Variants in PIEZO2 observed in about 807,000 individuals in gnomAD.
The protein encoded by PIEZO2 is piezo-type mechanosensitive ion channel component 2.
A neutral mutation model predicts 337.3 loss-of-function variants in PIEZO2; 172 were observed. The ratio of observed to expected loss-of-function variants is 0.51; its 90% CI spans 0.45 to 0.58. The LOEUF (loss-of-function observed/expected upper bound fraction) is 0.58. PIEZO2 is among the 20% of genes least tolerant of loss of function. PIEZO2 has a pLI of 0.00. For synonymous variants in PIEZO2, 1,251 were observed against 1,228.5 expected (o/e 1.02, Z -0.38); for missense variants, 3,028 against 3,391.3 (o/e 0.89, Z 2.66).
At position 10,839,679 on chromosome 18, in the gene PIEZO2, T is replaced by C. The variant is rs530448151; in HGVS notation, c.917+15674A>G. On this transcript the variant is annotated intron_variant, in intron 7 of 55. Transcript: ENST00000674853. Reference sequence around the variant, plus strand: ...GCTGCTCACTGAACCCAAGAGAAGATCTCAACCCCAGGATAGTAGCTGGCT... The same window carrying C: ...GCTGCTCACTGAACCCAAGAGAAGACCTCAACCCCAGGATAGTAGCTGGCT... Among the ~76,000 whole-genome samples, 3 of 152,290 alleles carry C rather than the reference T, an allele frequency of 2.0e-5. No homozygotes were observed. The South Asian group carries it at 6.2e-4, about 32-fold the overall frequency.
In PIEZO2 at chr18:11,132,472, C is replaced by T. The variant is rs146229573; in HGVS notation, c.64+16053G>A. Among the ~76,000 whole-genome samples the T allele has an allele frequency of 7.6e-4, 116 of 152,162 alleles. 1 individual carries two copies. Among genetic ancestry groups the T allele is most frequent in the Non-Finnish European group, 7.4e-4 (50 of 68,000 alleles). On this transcript the variant is annotated intron_variant, in intron 1 of 55. Transcript: ENST00000674853. The surrounding 1 kb of genome is among the most constrained non-coding windows in gnomAD (Gnocchi z 4.7). ...GCTGGGGCAAAGTTCTCCAGAAGGC[C>T]GTGTATGCTCTGAATCAACATCCAA...
Position 10,727,855 on chromosome 18 carries a change from G to A in PIEZO2, c.5029+3552C>T, listed in dbSNP as rs1183403092. 6.6e-6 allele frequency: 1 copy of A among 152,024 alleles called. No homozygotes were observed. The highest frequency in any genetic ancestry group is 2.4e-5 in the African/African-American group (1 of 41,352). The allele number at this position is 152,024 out of a possible 1,614,324, so 9.4% of individuals were successfully genotyped here. ...TGGCCCAAGTCCTAAACCCCTCCTGGACCAGGTGAGGTGCAGAGCGCCTTT... is the reference window on the plus strand; with the variant it reads ...TGGCCCAAGTCCTAAACCCCTCCTGAACCAGGTGAGGTGCAGAGCGCCTTT... On this transcript the variant is annotated intron_variant, in intron 36 of 55. Coordinates refer to ENST00000674853, the MANE Select transcript of PIEZO2 (RefSeq NM_001378183.1). The surrounding 1 kb of genome is among the most constrained non-coding windows in gnomAD (Gnocchi z 6.3).
In PIEZO2 at chr18:11,148,033, CT is replaced by C. The variant is rs1568416866; in HGVS notation, c.64+491del. On this transcript the variant is annotated intron_variant, in intron 1 of 55. Transcript: ENST00000674853. The surrounding 1 kb of genome is among the most constrained non-coding windows in gnomAD (Gnocchi z 5.2). ...CTCCCTGTACCTCGTCCCTCTTTTT[CT>C]TTTTTGAATGACCGGAGTCCTTCAC... Among the ~76,000 whole-genome samples, 1 of 152,164 alleles carries C rather than the reference CT, an allele frequency of 6.6e-6. No homozygotes were observed. The highest frequency in any genetic ancestry group is 2.4e-5 in the African/African-American group (1 of 41,456).
intron 48 of PIEZO2, among the ~76,000 whole-genome samples, chr18:10,690,614 T>C (rs558071954): frequency 1.4e-4 from 21 of 152,314 alleles, no homozygotes; most frequent in Non-Finnish European, 2.4e-4. Context: ...ACCTCTTCTG[T>C]CTGGTGCTGA....
rs2038642861 is a variant in PIEZO2 at position 11,078,927 on chromosome 18, GC to G, written c.65-12706del. Reference sequence around the variant, plus strand: ...AAGAGATGTTTCCCAGGCTGCCTCAGCCTTCTGCTCTATTACCCTTCTTTTC... The same window carrying G: ...AAGAGATGTTTCCCAGGCTGCCTCAGCTTCTGCTCTATTACCCTTCTTTTC... On this transcript the variant is annotated intron_variant, in intron 1 of 55. Transcript: ENST00000674853. The surrounding 1 kb of genome is among the most constrained non-coding windows in gnomAD (Gnocchi z 5.3). Among the ~76,000 whole-genome samples the G allele has an allele frequency of 6.6e-6, 1 of 152,196 alleles. No individual in the cohort carries two copies. The highest frequency in any genetic ancestry group is 1.5e-5 in the Non-Finnish European group (1 of 68,042).
chr18:10,983,380 C>T (rs1000737558), intron 2 of PIEZO2, among the ~76,000 whole-genome samples: 2 of 152,128 alleles, frequency 1.3e-5, no homozygotes, highest in African/African-American at 2.4e-5. Flanking sequence ...AATGTCACCC[C>T]TCCCTCAAGG....
chr18:10,670,261 G>A lies in PIEZO2; in HGVS notation c.*1266C>T, dbSNP rs775365035. 3.9e-5 allele frequency: 6 copies of A among 152,022 alleles called. No homozygotes were observed. The highest frequency in any genetic ancestry group is 8.8e-5 in the Non-Finnish European group (6 of 68,004). 9.4% of individuals were successfully genotyped at this position (152,022 alleles called of 1,614,324 possible). On this transcript the variant is annotated 3_prime_UTR_variant, in exon 56 of 56. Transcript: ENST00000674853. ...TATTCTTAAAATGACTTTGCAGGATGTGCTTTATTTTAAGTCAGCCCTGAA... is the reference window on the plus strand; with the variant it reads ...TATTCTTAAAATGACTTTGCAGGATATGCTTTATTTTAAGTCAGCCCTGAA...
At chr18:10,896,141 C>G (rs1287731512) in intron 4 of PIEZO2, among the ~76,000 whole-genome samples, 3 of 150,922 alleles carry the variant, frequency 2.0e-5, no homozygotes. Context: ...TGACTCAGAA[C>G]ACACACTAGT....
Position 10,759,544 on chromosome 18 carries a change from T to C in PIEZO2, c.3695A>G (p.Asn1232Ser), listed in dbSNP as rs1326485089. 2 of 1,537,314 alleles carry C rather than the reference T, an allele frequency of 1.3e-6. No homozygotes were observed. The highest frequency in any genetic ancestry group is 2.0e-5 in the Admixed American group (1 of 50,984). The part of the protein sequence containing the change: ...WRFKGASFND[N>S]IIKWLYFPDF... ...TGGGAAGTACAGCCACTTTATGATG[T>C]TGTCATTGAAGCTGGCACCCTTGAA... Residue 1232 changes from asparagine (N) to serine (S), a missense_variant, in exon 26 of 56, where the codon AAC becomes AGC. Asn to Ser is a conservative substitution (Grantham distance 46, BLOSUM62 1). Around this residue, in one of 5 missense-constraint regions of PIEZO2, gnomAD observed 1,925 missense variants for 2,051.9 expected, o/e 0.94. Coordinates refer to ENST00000674853, the MANE Select transcript of PIEZO2 (RefSeq NM_001378183.1). This position sits in a 1 kb window ranked among gnomAD's most constrained non-coding sequence, Gnocchi z 5.5.
At chr18:10,796,143 T>A (rs2039587537) in intron 12 of PIEZO2, among the ~76,000 whole-genome samples, 1 of 151,660 alleles carries the variant, frequency 6.6e-6, no homozygotes, top group African/African-American at 2.4e-5. Flanking sequence ...GGCGGGCGGA[T>A]CATGAGGCCA....
chr18:10,865,100 A>G (rs1316831495), intron 5 of PIEZO2, among the ~76,000 whole-genome samples: 1 of 152,190 alleles, frequency 6.6e-6, no homozygotes, highest in Non-Finnish European at 1.5e-5. Context: ...ACCCTAGCCA[A>G]ACACAGAGAG....
rs1442785926 is a variant in PIEZO2 at position 10,861,535 on chromosome 18, C to G, written c.493-4324G>C. On this transcript the variant is annotated intron_variant, in intron 5 of 55. Coordinates refer to ENST00000674853, the MANE Select transcript of PIEZO2 (RefSeq NM_001378183.1). This position sits in a 1 kb window ranked among gnomAD's most constrained non-coding sequence, Gnocchi z 4.3. ...CAAATACGGCATGATCTCACTTATA[C>G]GTGGAATCTAAAGAAGTTGCACTGA... Among the ~76,000 whole-genome samples, 4 of 152,016 alleles carry G rather than the reference C, an allele frequency of 2.6e-5. No individual in the cohort carries two copies. In the East Asian group the frequency reaches 5.8e-4, roughly 22 times the overall value.
At position 11,078,995 on chromosome 18, in the gene PIEZO2, T is replaced by TA; in HGVS notation, c.65-12774dup. ...TCATACCTTAGAAAGTTACGGTAGT[T>TA]AAAAAATTGCTGGTGGCATCCTTTA... On this transcript the variant is annotated intron_variant, in intron 1 of 55. Coordinates refer to ENST00000674853, the MANE Select transcript of PIEZO2 (RefSeq NM_001378183.1). The surrounding 1 kb of genome is among the most constrained non-coding windows in gnomAD (Gnocchi z 5.3). 6.6e-6 allele frequency among the ~76,000 whole-genome samples: 1 copy of TA among 152,194 alleles called. No homozygotes were observed. Among genetic ancestry groups the TA allele is most frequent in the East Asian group, 1.9e-4 (1 of 5,198 alleles).
Position 10,726,296 on chromosome 18 carries a change from C to T in PIEZO2, c.5029+5111G>A. 1 of 1,038,590 alleles carries T rather than the reference C, an allele frequency of 9.6e-7. No individual in the cohort carries two copies. The highest frequency in any genetic ancestry group is 2.6e-5 in the East Asian group (1 of 37,850). The allele number at this position is 1,038,590 out of a possible 1,614,324, so 64.3% of individuals were successfully genotyped here. A position where few individuals can be genotyped will look rare whatever the true frequency, so the allele number is the denominator to read the frequency against. ...GAGAATGGAAGCGTCGCGGCCAGAGCCCCGGCCAGGTGGAGCAGGTGGGTC... is the reference window on the plus strand; with the variant it reads ...GAGAATGGAAGCGTCGCGGCCAGAGTCCCGGCCAGGTGGAGCAGGTGGGTC... On this transcript the variant is annotated intron_variant, in intron 36 of 55. Transcript: ENST00000674853. The surrounding 1 kb of genome is among the most constrained non-coding windows in gnomAD (Gnocchi z 5.9).
chr18:10,809,958 A>G (rs1032455354), intron 7 of PIEZO2, among the ~76,000 whole-genome samples: 3 of 152,188 alleles, frequency 2.0e-5, no homozygotes, highest in African/African-American at 7.2e-5. Flanking sequence ...ACACAATTAC[A>G]GAGCAGCACA....
rs1245810431 is a variant in PIEZO2 at position 10,767,049 on chromosome 18, A to C, written c.2946+3099T>G. On this transcript the variant is annotated intron_variant, in intron 21 of 55. Transcript: ENST00000674853. The surrounding 1 kb of genome is among the most constrained non-coding windows in gnomAD (Gnocchi z 4.2). The stretch of plus-strand genomic sequence containing the variant: ...CCTTCCCTTCCTTCTCCAATTGGCC[A>C]GGCCCCCCAGGGAGGAGCTGAGGTG... Among the ~76,000 whole-genome samples, 1 of 75,828 alleles carries C rather than the reference A, an allele frequency of 1.3e-5. No homozygotes were observed. Among genetic ancestry groups the C allele is most frequent in the African/African-American group, 5.3e-5 (1 of 18,790 alleles). The allele number at this position is 75,828 out of a possible 152,430, so 49.7% of individuals were successfully genotyped here.
chr18:10,748,618 G>A lies in PIEZO2; in HGVS notation c.4277C>T (p.Ser1426Leu). ...TTCCCCACTGGGAAGTGTACAGGGTGAATTAGCAGCAGCTATAGTAACAGT... is the reference window on the plus strand; with the variant it reads ...TTCCCCACTGGGAAGTGTACAGGGTAAATTAGCAGCAGCTATAGTAACAGT... The part of the protein sequence containing the change: ...VKGYQMPAAN[S>L]PCTLPSGEAG... Residue 1426 changes from serine to leucine, a missense_variant, in exon 30 of 56, where the codon TCA becomes TTA. Physicochemically the swap from Ser to Leu is moderately radical, Grantham distance 145. This residue lies in a region of PIEZO2 where 1,925 missense variants were observed against 2,051.9 expected (regional missense o/e 0.94). Coordinates refer to ENST00000674853, the MANE Select transcript of PIEZO2 (RefSeq NM_001378183.1). This position sits in a 1 kb window ranked among gnomAD's most constrained non-coding sequence, Gnocchi z 5.1. 2.7e-6 allele frequency: 4 copies of A among 1,471,218 alleles called. No individual in the cohort carries two copies. Among genetic ancestry groups the A allele is most frequent in the Non-Finnish European group, 3.6e-6 (4 of 1,120,116 alleles). The allele number at this position is 1,471,218 out of a possible 1,614,324, so 91.1% of individuals were successfully genotyped here. A position where few individuals can be genotyped will look rare whatever the true frequency, so the allele number is the denominator to read the frequency against.
Position 11,131,862 on chromosome 18 carries a change from G to A in PIEZO2, c.64+16663C>T, listed in dbSNP as rs895471021. Among the ~76,000 whole-genome samples, 5 of 152,178 alleles carry A rather than the reference G, an allele frequency of 3.3e-5. No homozygotes were observed. Among genetic ancestry groups the A allele is most frequent in the Middle Eastern group, 3.2e-3 (1 of 316 alleles). On this transcript the variant is annotated intron_variant, in intron 1 of 55. Coordinates refer to ENST00000674853, the MANE Select transcript of PIEZO2 (RefSeq NM_001378183.1). This position sits in a 1 kb window ranked among gnomAD's most constrained non-coding sequence, Gnocchi z 5.3. ...TGAAGCGGATAGGATGACCTGTTGT[G>A]TGGACACCACTCAGCCTCTTTCCCC...
rs943614578 is a variant in PIEZO2 at position 10,916,077 on chromosome 18, C to G, written c.287-4849G>C. On this transcript the variant is annotated intron_variant, in intron 3 of 55. Coordinates refer to ENST00000674853, the MANE Select transcript of PIEZO2 (RefSeq NM_001378183.1). Reference sequence around the variant, plus strand: ...ACAGAGTGCTTGGCAGAAAAGTTCTCCAAGTCCCCACCAGAGTAGCTAGAC... The same window carrying G: ...ACAGAGTGCTTGGCAGAAAAGTTCTGCAAGTCCCCACCAGAGTAGCTAGAC... Among the ~76,000 whole-genome samples the G allele has an allele frequency of 3.3e-5, 5 of 152,152 alleles. 1 individual carries two copies. The highest frequency in any genetic ancestry group is 1.3e-4 in the Admixed American group (2 of 15,284).
Sources: allele counts gnomAD v4.1 joint callset (sites outside exome capture counted in the v4.1 genomes callset), GRCh38; gene constraint gnomAD v4.1.1; regional missense constraint gnomAD v4.1.1; non-coding constraint Gnocchi (gnomAD v3.1); transcripts MANE v1.5; gene names NCBI Gene and HGNC (gene_info 2026-07-23, HGNC 2026-07-21).